The following CNTLN variants were observed in gnomAD, a reference collection of about 807,000 sequenced individuals.
The protein encoded by CNTLN is centlein, centrosomal protein.
Under a neutral mutation model 180.0 loss-of-function variants are expected in CNTLN, and 212 were observed. That is an observed-to-expected ratio of 1.18 (90% CI 1.05 to 1.32). CNTLN has a LOEUF of 1.32. CNTLN is among the 40% of genes most tolerant of loss of function. The pLI, the probability that CNTLN is intolerant of heterozygous loss-of-function variation, is 0.00. For missense variants in CNTLN, 2,095 were observed against 1,610.9 expected, an observed-to-expected ratio of 1.30 and a Z score of -5.14; for synonymous variants, 722 against 563.1, an observed-to-expected ratio of 1.28 and a Z score of -3.99.
chr9:17,222,968 A>G (rs1376266789), intron 2 of CNTLN, among the ~76,000 whole-genome samples: 1 of 152,024 alleles, frequency 6.6e-6, no homozygotes, highest in Non-Finnish European at 1.5e-5. Context: ...TTATGGTCTT[A>G]AAAATATAGT....
chr9:17,295,329 G>C (rs1047244865), intron 6 of CNTLN, among the ~76,000 whole-genome samples: 5 of 152,194 alleles, frequency 3.3e-5, no homozygotes, highest in African/African-American at 7.2e-5. Flanking sequence ...AGTGGGCGCC[G>C]AGGCCAAGGT....
At chr9:17,514,860 A>G in the CNTLN span, among the ~76,000 whole-genome samples, 1 of 152,204 alleles carries the variant, frequency 6.6e-6, no homozygotes. Context: ...ATGTGCCTTT[A>G]TGACCTTTTC....
intron 6 of CNTLN, among the ~76,000 whole-genome samples, chr9:17,294,853 AGG>A (rs1817727180): frequency 5.4e-5 from 1 of 18,584 alleles, no homozygotes. Flanking sequence ...GAGGGCGGGG[AGG>A]AGGGAGGAGG....
At chr9:17,475,760 C>G (rs1832302015) in intron 23 of CNTLN, among the ~76,000 whole-genome samples, 1 of 151,620 alleles carries the variant, frequency 6.6e-6, no homozygotes, top group Admixed American at 6.6e-5. Context: ...GTAGTCCCAG[C>G]TACTTGGGAG....
intron 8 of CNTLN, among the ~76,000 whole-genome samples, chr9:17,330,089 T>G (rs1820544983): frequency 6.6e-6 from 1 of 152,046 alleles, no homozygotes; most frequent in African/African-American, 2.4e-5. Context: ...CATTAGCAGT[T>G]TATCTGAAAC....
rs1038636649 is a variant in CNTLN at position 17,193,924 on chromosome 9, A to G, written c.450-32279A>G. The stretch of plus-strand genomic sequence containing the variant: ...GGAAGTTTCCAAACCCCAATTCTTG[A>G]CTTCTGTGCACTTGCAGGCTCAGCA... On this transcript the variant is annotated intron_variant, in intron 2 of 25. Transcript: ENST00000380647. Among the ~76,000 whole-genome samples the G allele has an allele frequency of 1.8e-4, 27 of 152,152 alleles. 1 individual carries two copies. Among genetic ancestry groups the G allele is most frequent in the Admixed American group, 9.2e-4 (14 of 15,276 alleles).
intron 12 of CNTLN, among the ~76,000 whole-genome samples, chr9:17,345,898 T>C (rs557507401): frequency 1.3e-5 from 2 of 152,306 alleles, no homozygotes; most frequent in South Asian, 2.1e-4. Flanking sequence ...TTTCTTCTTT[T>C]ATAGTTTTCT....
intron 18 of CNTLN, among the ~76,000 whole-genome samples, chr9:17,449,219 A>G (rs926256510): frequency 1.3e-5 from 2 of 152,180 alleles, no homozygotes; most frequent in Non-Finnish European, 1.5e-5. Flanking sequence ...AGTTTTCAAG[A>G]GAGCTTTTCT....
At chr9:17,420,621 T>C (rs2133918634) in intron 18 of CNTLN, among the ~76,000 whole-genome samples, 1 of 152,084 alleles carries the variant, frequency 6.6e-6, no homozygotes. Context: ...CTCTAGTTTT[T>C]CTAGTTCTTC....
chr9:17,332,512 T>C, intron 9 of CNTLN, 93 bp from the exon 10 acceptor site: 1 of 1,199,306 alleles, frequency 8.3e-7, no homozygotes, highest in Non-Finnish European at 1.2e-6. Context: ...TAATTCATTA[T>C]TAGTATTCAA....
chr9:17,162,143 C>G (rs1819724665), intron 2 of CNTLN, among the ~76,000 whole-genome samples: 1 of 151,712 alleles, frequency 6.6e-6, no homozygotes, highest in Non-Finnish European at 1.5e-5. Flanking sequence ...GAGACAGAGT[C>G]TCGCTCTGTC....
At chr9:17,143,924 A>G (rs530260547) in intron 2 of CNTLN, among the ~76,000 whole-genome samples, 2 of 152,346 alleles carry the variant, frequency 1.3e-5, no homozygotes, top group African/African-American at 4.8e-5. Flanking sequence ...TATTAGAAAC[A>G]GTGGAATGAT....
downstream of CNTLN, among the ~76,000 whole-genome samples, chr9:17,504,430 C>G (rs1023995233): frequency 2.6e-5 from 4 of 152,132 alleles, no homozygotes; most frequent in African/African-American, 9.7e-5. Flanking sequence ...GATACCAAGA[C>G]TAAACAAAGA....
intron 5 of CNTLN, among the ~76,000 whole-genome samples, chr9:17,265,471 A>G (rs527529864): frequency 7.9e-5 from 12 of 151,328 alleles, no homozygotes; most frequent in Non-Finnish European, 1.6e-4. Context: ...TTTTACATCA[A>G]TGTTCATCAA....
chr9:17,428,011 A>C (rs1564097973), intron 18 of CNTLN, among the ~76,000 whole-genome samples: 1 of 152,228 alleles, frequency 6.6e-6, no homozygotes, highest in Non-Finnish European at 1.5e-5. Context: ...ACCATGCAAC[A>C]GAATAAGTAA....
chr9:17,461,100 A>T (rs1461162232), intron 19 of CNTLN, among the ~76,000 whole-genome samples: 2 of 151,522 alleles, frequency 1.3e-5, no homozygotes, highest in Admixed American at 6.6e-5. Flanking sequence ...TAGTCCCTAA[A>T]GCCATCACTA....
intron 15 of CNTLN, among the ~76,000 whole-genome samples, 194 bp from the exon 16 acceptor site, chr9:17,409,099 G>T (rs944636521): frequency 1.3e-5 from 2 of 152,104 alleles, no homozygotes; most frequent in Admixed American, 1.3e-4. Context: ...CTGTTTTCTT[G>T]ATGGGATTCT....
rs184475611 is a variant in CNTLN at position 17,269,416 on chromosome 9, A to T, written c.850-4317A>T. 1.3e-3 allele frequency among the ~76,000 whole-genome samples: 204 copies of T among 152,100 alleles called. 3 individuals carry two copies. Among genetic ancestry groups the T allele is most frequent in the African/African-American group, 4.4e-3 (183 of 41,512 alleles). On this transcript the variant is annotated intron_variant, in intron 5 of 25. Transcript: ENST00000380647. ...CTTAACAGCTATAAACTTGCCTCTT[A>T]CCATTCCTTTTTCTGCATCCCAGAA...
intron 1 of CNTLN, among the ~76,000 whole-genome samples, chr9:17,136,861 G>C (rs1223128719): frequency 6.6e-6 from 1 of 152,112 alleles, no homozygotes; most frequent in East Asian, 1.9e-4. Flanking sequence ...CTCACCCTTT[G>C]GGGAGTTTTA....
Sources: allele counts gnomAD v4.1 joint callset (sites outside exome capture counted in the v4.1 genomes callset), GRCh38; gene constraint gnomAD v4.1.1; transcripts MANE v1.5; gene names NCBI Gene and HGNC (gene_info 2026-07-23, HGNC 2026-07-21).